Variants in EYS observed in about 807,000 individuals in gnomAD.
The protein encoded by EYS is EGF-like photoreceptor maintenance factor, also known as protein eyes shut homolog.
EYS carries 250 observed loss-of-function variants against 282.1 expected under a neutral mutation model. The ratio of observed to expected loss-of-function variants is 0.89; its 90% CI spans 0.80 to 0.98. The LOEUF is 0.98. Among genes scored for constraint, EYS ranks in the 50% least tolerant of loss-of-function variants. The pLI is 0.00. For missense variants in EYS, 4,016 were observed against 3,709.0 expected, an observed-to-expected ratio of 1.08 and a Z score of -2.15; for synonymous variants, 1,355 against 1,282.9, an observed-to-expected ratio of 1.06 and a Z score of -1.20.
At chr6:65,631,519 A>C (rs982706618) in intron 2 of EYS, among the ~76,000 whole-genome samples, 3 of 152,050 alleles carry the variant, frequency 2.0e-5, no homozygotes, top group African/African-American at 7.2e-5. Flanking sequence ...CTGTGGGGCA[A>C]GTGGGAGGTG....
chr6:64,885,714 C>G (rs540607814), intron 19 of EYS, among the ~76,000 whole-genome samples: 3 of 151,792 alleles, frequency 2.0e-5, no homozygotes, highest in African/African-American at 7.2e-5. Context: ...AGATTTGTTA[C>G]CAAGATTACC....
intron 26 of EYS, among the ~76,000 whole-genome samples, chr6:64,564,806 GC>G (rs1765514772): frequency 6.7e-6 from 1 of 150,090 alleles, no homozygotes; most frequent in Non-Finnish European, 1.5e-5. Flanking sequence ...GGGGTCGGGG[GC>G]TAGGGGAGGG....
At chr6:65,059,607 T>C (rs894298250) in intron 12 of EYS, among the ~76,000 whole-genome samples, 12 of 152,022 alleles carry the variant, frequency 7.9e-5, no homozygotes, top group African/African-American at 2.2e-4. Flanking sequence ...TAAAGATATT[T>C]ATACCCCAAA....
intron 13 of EYS, among the ~76,000 whole-genome samples, chr6:65,055,318 ATTGT>A (rs1444215002): frequency 6.6e-6 from 1 of 152,090 alleles, no homozygotes; most frequent in Non-Finnish European, 1.5e-5. Flanking sequence ...ATTATTTGCA[ATTGT>A]TTATTTGTAA....
chr6:63,832,051 G>C (rs1771654489), intron 36 of EYS, among the ~76,000 whole-genome samples: 1 of 151,930 alleles, frequency 6.6e-6, no homozygotes, highest in African/African-American at 2.4e-5. Context: ...AGGATCTCTG[G>C]GATAAATTTA....
intron 42 of EYS, among the ~76,000 whole-genome samples, chr6:63,723,790 TTATTATTA>T (rs1416070255): frequency 8.8e-4 from 8 of 9,120 alleles, no homozygotes; most frequent in Non-Finnish European, 2.7e-3. Flanking sequence ...CACATTGGCA[TTATTATTA>T]TTATTATTAT....
At chr6:63,827,054 TC>T in intron 36 of EYS, among the ~76,000 whole-genome samples, 1 of 152,004 alleles carries the variant, frequency 6.6e-6, no homozygotes, top group East Asian at 1.9e-4. Flanking sequence ...CATTAAGAAC[TC>T]ACATAAAGTA....
chr6:65,233,889 G>A (rs1297754348), intron 12 of EYS, among the ~76,000 whole-genome samples: 1 of 152,062 alleles, frequency 6.6e-6, no homozygotes, highest in Non-Finnish European at 1.5e-5. Context: ...TCATTTTCAT[G>A]CCTTGACCTG....
At chr6:64,716,913 A>G (rs984615408) in intron 22 of EYS, among the ~76,000 whole-genome samples, 1 of 152,292 alleles carries the variant, frequency 6.6e-6, no homozygotes, top group Middle Eastern at 3.4e-3. Flanking sequence ...GAGAAAGTGA[A>G]TCGCCTGTAG....
At chr6:65,680,086 TCA>T (rs10650454) in intron 1 of EYS, among the ~76,000 whole-genome samples, 4,476 of 147,348 alleles carry the variant, frequency 0.03, 212 homozygotes, top group African/African-American at 0.1. Flanking sequence ...TCCTAAATTT[TCA>T]CACACACACA....
In EYS at chr6:64,700,138, AATC is replaced by A. The variant is rs373105566; in HGVS notation, c.3444-73896_3444-73894del. Reference sequence around the variant, plus strand: ...ACGGAATTAAAATTTAAAACCATATAATCATCTAAATAGATGCAGAACAAGCAT... The same window carrying A: ...ACGGAATTAAAATTTAAAACCATATAATCTAAATAGATGCAGAACAAGCAT... On this transcript the variant is annotated intron_variant, in intron 22 of 42. Transcript: ENST00000503581. Among the ~76,000 whole-genome samples, 692 of 152,168 alleles carry A rather than the reference AATC, an allele frequency of 4.5e-3. 5 individuals are homozygous for A. The highest frequency in any genetic ancestry group is 0.016 in the African/African-American group (645 of 41,556).
intron 12 of EYS, among the ~76,000 whole-genome samples, chr6:65,244,369 A>C (rs1302529842): frequency 6.6e-6 from 1 of 152,184 alleles, no homozygotes; most frequent in Admixed American, 6.5e-5. Flanking sequence ...TTAGCACATA[A>C]GTTATTCTTT....
intron 5 of EYS, among the ~76,000 whole-genome samples, chr6:65,452,283 A>G (rs1189255540): frequency 6.6e-6 from 1 of 151,748 alleles, no homozygotes; most frequent in African/African-American, 2.4e-5. Context: ...TGATTTTAAT[A>G]AAACATGAAA....
intron 12 of EYS, among the ~76,000 whole-genome samples, chr6:65,153,193 G>A (rs1186467271): frequency 6.6e-6 from 1 of 151,836 alleles, no homozygotes; most frequent in Admixed American, 6.6e-5. Flanking sequence ...ATATGGGAAG[G>A]CCATGCAGCA....
intron 31 of EYS, 48 bp downstream of exon 31, chr6:64,230,544 G>T: frequency 7.3e-7 from 1 of 1,362,800 alleles, no homozygotes; most frequent in Non-Finnish European, 1.0e-6. Flanking sequence ...TCCATTCTCT[G>T]GAGAGGTTTT....
At chr6:65,254,303 G>T (rs1045710323) in intron 12 of EYS, among the ~76,000 whole-genome samples, 1 of 151,716 alleles carries the variant, frequency 6.6e-6, no homozygotes, top group African/African-American at 2.4e-5. Context: ...GGATAAAACA[G>T]GTATGGTTAA....
At chr6:64,774,571 T>G (rs1214873161) in intron 22 of EYS, among the ~76,000 whole-genome samples, 1 of 151,962 alleles carries the variant, frequency 6.6e-6, no homozygotes, top group South Asian at 2.1e-4. Flanking sequence ...GTGGCTTAAG[T>G]TAGTTAATAG....
At chr6:64,123,397 G>A (rs986195666) in intron 31 of EYS, among the ~76,000 whole-genome samples, 2 of 152,132 alleles carry the variant, frequency 1.3e-5, no homozygotes, top group African/African-American at 4.8e-5. Context: ...GATTCTTTTA[G>A]TTGACATATT....
intron 21 of EYS, among the ~76,000 whole-genome samples, chr6:64,820,243 T>TA (rs1331121425): frequency 6.6e-6 from 1 of 151,990 alleles, no homozygotes; most frequent in Non-Finnish European, 1.5e-5. Flanking sequence ...TATGTTAAAA[T>TA]AAAAATATTA....
Sources: gnomAD v4.1 joint callset for allele counts (sites outside exome capture counted in the v4.1 genomes callset) on GRCh38, gnomAD v4.1.1 for gene constraint, MANE v1.5 for transcripts, NCBI Gene and HGNC (gene_info 2026-07-23, HGNC 2026-07-21) for gene names.